The following DOCK10 variants were observed in gnomAD, a reference collection of about 807,000 sequenced individuals.
DOCK10 encodes dedicator of cytokinesis 10, also known as dedicator of cytokinesis protein 10.
DOCK10 carries 145 observed loss-of-function variants against 280.1 expected under a neutral mutation model. That is an observed-to-expected ratio of 0.52 (90% CI 0.45 to 0.59). The LOEUF (loss-of-function observed/expected upper bound fraction) is 0.59. Ranked by LOEUF, DOCK10 falls within the 20% of genes least tolerant of loss-of-function variation. DOCK10 has a pLI of 0.00. For synonymous variants in DOCK10, 915 were observed against 942.2 expected, an observed-to-expected ratio of 0.97 and a Z score of 0.53; for missense variants, 2,368 against 2,651.7, an observed-to-expected ratio of 0.89 and a Z score of 2.35.
At chr2:224,875,573 C>T (rs1205229115) in intron 8 of DOCK10, among the ~76,000 whole-genome samples, 1 of 152,036 alleles carries the variant, frequency 6.6e-6, no homozygotes. Flanking sequence ...ATTCTATCAC[C>T]ATGTATAATT....
intron 2 of DOCK10, among the ~76,000 whole-genome samples, chr2:224,925,447 G>A (rs1053082934): frequency 2.6e-5 from 4 of 152,184 alleles, no homozygotes; most frequent in African/African-American, 9.7e-5. Context: ...CTACTAATAT[G>A]AAGATGGAAT....
intron 2 of DOCK10, among the ~76,000 whole-genome samples, chr2:224,918,961 T>TG (rs1482703928): frequency 9.6e-5 from 14 of 146,172 alleles, no homozygotes; most frequent in Middle Eastern, 3.8e-3. Context: ...GTGGTGTGTG[T>TG]GTGTATGTGT....
chr2:224,978,189 C>G (rs557100992), intron 1 of DOCK10, among the ~76,000 whole-genome samples: 2 of 152,122 alleles, frequency 1.3e-5, no homozygotes, highest in South Asian at 4.1e-4. Flanking sequence ...AATACCAGCA[C>G]TTTGGGAGGC....
intron 2 of DOCK10, among the ~76,000 whole-genome samples, chr2:224,926,707 C>T (rs1037805107): frequency 6.6e-6 from 1 of 152,186 alleles, no homozygotes; most frequent in African/African-American, 2.4e-5. Flanking sequence ...TCCTTACCAT[C>T]AAGCAAAGCC....
At chr2:224,883,996 A>T (rs1469578656) in intron 7 of DOCK10, among the ~76,000 whole-genome samples, 1 of 152,226 alleles carries the variant, frequency 6.6e-6, no homozygotes. Context: ...GCAGTTATTG[A>T]TCTTTACTGC....
chr2:224,954,179 A>G (rs1415638841), intron 1 of DOCK10, among the ~76,000 whole-genome samples: 1 of 152,114 alleles, frequency 6.6e-6, no homozygotes, highest in Non-Finnish European at 1.5e-5. Context: ...TTGATGGGAG[A>G]GGGGTTTGGG....
chr2:224,924,053 T>C (rs1701922341), intron 2 of DOCK10, among the ~76,000 whole-genome samples: 1 of 152,220 alleles, frequency 6.6e-6, no homozygotes, highest in African/African-American at 2.4e-5. Flanking sequence ...TATTACTCCT[T>C]TGCTATGTTC....
At chr2:224,814,156 C>T (rs890196389) in intron 31 of DOCK10, among the ~76,000 whole-genome samples, 164 bp downstream of exon 31, 2 of 152,166 alleles carry the variant, frequency 1.3e-5, no homozygotes, top group African/African-American at 4.8e-5. Flanking sequence ...AATCATTAAA[C>T]TATCTGTGAC....
chr2:224,944,503 C>T (rs1249120783), intron 1 of DOCK10, among the ~76,000 whole-genome samples: 1 of 152,186 alleles, frequency 6.6e-6, no homozygotes, highest in Non-Finnish European at 1.5e-5. Flanking sequence ...CAGTACCAAA[C>T]TGAATTCTAA....
chr2:225,030,073 G>C (rs1690034559), intron 1 of DOCK10, among the ~76,000 whole-genome samples: 1 of 150,136 alleles, frequency 6.7e-6, no homozygotes, highest in South Asian at 2.1e-4. Flanking sequence ...TGGAGCCCAG[G>C]AGGCAGAAGT....
intron 1 of DOCK10, among the ~76,000 whole-genome samples, chr2:224,940,313 G>A (rs1258199865): frequency 1.3e-5 from 2 of 152,048 alleles, no homozygotes; most frequent in Non-Finnish European, 2.9e-5. Flanking sequence ...CCCCTTCTCT[G>A]GACTGTGTTT....
chr2:225,020,332 T>G (rs899791893), intron 1 of DOCK10, among the ~76,000 whole-genome samples: 1 of 152,168 alleles, frequency 6.6e-6, no homozygotes, highest in Non-Finnish European at 1.5e-5. Context: ...TAGAGCAGAA[T>G]AGATGAGTCA....
intron 19 of DOCK10, among the ~76,000 whole-genome samples, chr2:224,847,817 T>C (rs1480710272): frequency 6.6e-6 from 1 of 152,170 alleles, no homozygotes; most frequent in East Asian, 1.9e-4. Context: ...ATGATTAATG[T>C]GCACAGTGTG....
At chr2:224,999,601 G>A (rs1411682034) in intron 1 of DOCK10, among the ~76,000 whole-genome samples, 1 of 150,964 alleles carries the variant, frequency 6.6e-6, no homozygotes, top group Non-Finnish European at 1.5e-5. Context: ...GGATAAAACA[G>A]TGAATACAGA....
chr2:224,801,537 A>C (rs191870708), intron 40 of DOCK10, among the ~76,000 whole-genome samples: 2 of 152,216 alleles, frequency 1.3e-5, no homozygotes, highest in Admixed American at 1.3e-4. Flanking sequence ...CCTCATTCAC[A>C]AGCTGGAGTG....
chr2:224,952,364 T>C (rs1703786150), intron 1 of DOCK10, among the ~76,000 whole-genome samples: 1 of 151,994 alleles, frequency 6.6e-6, no homozygotes, highest in Admixed American at 6.5e-5. Context: ...CAGGTTGCAA[T>C]GGGACTAAGA....
At chr2:224,776,439 C>A (rs561323396) in intron 51 of DOCK10, among the ~76,000 whole-genome samples, 80 of 152,204 alleles carry the variant, frequency 5.3e-4, no homozygotes, top group Non-Finnish European at 9.1e-4. Context: ...CATCCCCCCA[C>A]GCTGCCCCAG....
chr2:224,767,686 A>G (rs1423927134), intron 55 of DOCK10, among the ~76,000 whole-genome samples: 1 of 152,084 alleles, frequency 6.6e-6, no homozygotes, highest in Non-Finnish European at 1.5e-5. Context: ...CTTAACATAA[A>G]AAGAGCCTAC....
chr2:225,017,289 C>T (rs1012041756), intron 1 of DOCK10, among the ~76,000 whole-genome samples: 1 of 152,044 alleles, frequency 6.6e-6, no homozygotes, highest in Admixed American at 6.6e-5. Flanking sequence ...ATTAACCCAC[C>T]AATTTTTATT....
Sources: gnomAD v4.1 joint callset for allele counts (sites outside exome capture counted in the v4.1 genomes callset) on GRCh38, gnomAD v4.1.1 for gene constraint, MANE v1.5 for transcripts, NCBI Gene and HGNC (gene_info 2026-07-23, HGNC 2026-07-21) for gene names.